The following DYNC2H1 variants were observed in gnomAD, a reference collection of about 807,000 sequenced individuals.
DYNC2H1 encodes the protein cytoplasmic dynein 2 heavy chain 1.
Under a neutral mutation model 570.0 loss-of-function variants are expected in DYNC2H1, and 410 were observed. The ratio of observed to expected loss-of-function variants is 0.72; its 90% confidence interval spans 0.66 to 0.78. DYNC2H1 has a LOEUF of 0.78. DYNC2H1 is among the 30% of genes least tolerant of loss of function. The probability of loss-of-function intolerance (pLI) is 0.00; values close to 1 mark genes in which losing one functional copy is unlikely to be tolerated. For synonymous variants in DYNC2H1, 1,688 were observed against 1,677.6 expected (o/e 1.01, Z -0.15); for missense variants, 4,865 against 5,046.4 (o/e 0.96, Z 1.09).
Position 103,120,810 on chromosome 11 carries a change from A to G in DYNC2H1, c.1248+8A>G, listed in dbSNP as rs202130799. 1.1e-5 allele frequency: 16 copies of G among 1,437,126 alleles called. No homozygotes were observed. Among genetic ancestry groups the G allele is most frequent in the Non-Finnish European group, 1.5e-5 (16 of 1,087,742 alleles). The allele number at this position is 1,437,126 out of a possible 1,614,324, so 89.0% of individuals were successfully genotyped here. On this transcript the variant is annotated splice_region_variant and intron_variant, in intron 8 of 88. Transcript: ENST00000375735. ...CAAGACAGTCCACAGCAGGTAAAAC[A>G]TTGAGATATTTCACTTTTAATATTT...
In DYNC2H1 at chr11:103,125,276, A is replaced by C; in HGVS notation, c.1838A>C (p.Gln613Pro). The C allele has an allele frequency of 6.2e-7, 1 of 1,607,194 alleles. No individual in the cohort carries two copies. The highest frequency in any genetic ancestry group is 8.5e-7 in the Non-Finnish European group (1 of 1,176,276). Residue 613 changes from glutamine (Q) to proline (P), a missense_variant, in exon 12 of 89, where the codon CAA becomes CCA. This residue lies in a region of DYNC2H1 where 1,936 missense variants were observed against 1,962.1 expected (regional missense o/e 0.99). Coordinates refer to ENST00000375735, the MANE Select transcript of DYNC2H1 (RefSeq NM_001377.3). ...AACATTGCACAGAAATTCTGCAAGC[A>C]AGCAATTATTCTTAAACAAGTATGA... ...VANIAQKFCK[Q>P]AIILKQVAHF...
Position 103,287,587 on chromosome 11 carries a change from T to C in DYNC2H1, c.11077T>C (p.Phe3693Leu), listed in dbSNP as rs751658025. The C allele has an allele frequency of 1.2e-6, 2 of 1,611,966 alleles. No individual in the cohort carries two copies. Among genetic ancestry groups the C allele is most frequent in the Non-Finnish European group, 1.7e-6 (2 of 1,178,946 alleles). Residue 3693 changes from phenylalanine to leucine, a missense_variant, in exon 75 of 89, where the codon TTT (phenylalanine) becomes CTT (leucine). By Grantham distance (22) the Phe-to-Leu change is conservative. Around this residue, in one of 5 missense-constraint regions of DYNC2H1, gnomAD observed 2,401 missense variants for 2,454.6 expected, o/e 0.98. Coordinates refer to ENST00000375735, the MANE Select transcript of DYNC2H1 (RefSeq NM_001377.3). ...PDRLQSAMAL[F>L]ACKTLGLKEV... is the part of the protein sequence containing the mutation. ...CAGATTGCAAAGTGCCATGGCTCTT[T>C]TTGCATGTAAAACTCTGGGTAAGTG...
chr11:103,189,790 G>T lies in DYNC2H1; in HGVS notation c.7411G>T (p.Gly2471Ter), dbSNP rs1862223159. 1 of 1,610,552 alleles carries T rather than the reference G, an allele frequency of 6.2e-7. No individual in the cohort carries two copies. Among genetic ancestry groups the T allele is most frequent in the Non-Finnish European group, 8.5e-7 (1 of 1,178,906 alleles). Residue 2471 changes from glycine (G) to a stop codon, truncating the protein, a stop_gained, in exon 45 of 89, where the codon GGA becomes TGA. Transcript: ENST00000375735. LOFTEE classifies it high-confidence loss of function. This position sits in a 1 kb window ranked among gnomAD's most constrained non-coding sequence, Gnocchi z 4.3. Reference protein sequence around the residue: ...GSSSKIYLLAGSMVQVYEQVR... With the variant: ...GSSSKIYLLA ...TTCATCAAAAATTTATCTTTTAGCAGGATCTATGGTACAAGTGTATGAACA... is the reference window on the plus strand; with the variant it reads ...TTCATCAAAAATTTATCTTTTAGCATGATCTATGGTACAAGTGTATGAACA...
chr11:103,155,864 C>T (rs1372204823), intron 25 of DYNC2H1, among the ~76,000 whole-genome samples: 1 of 152,074 alleles, frequency 6.6e-6, no homozygotes, highest in Non-Finnish European at 1.5e-5. Context: ...GTTTTATTTC[C>T]TATCCCAGAA....
rs760706534 is a variant in DYNC2H1, at chr11:103,113,610, A to G, written c.269A>G (p.Asn90Ser). The change falls in exon 2 of 89, where the codon AAT (asparagine) becomes AGT (serine). Residue 90 changes from asparagine (N) to serine (S), a missense_variant. Transcript: ENST00000375735. ...CGACCTGAAGTAATTACTGATGAGAATCTACATGATAACATTCTTGTTTCA... is the reference window on the plus strand; with the variant it reads ...CGACCTGAAGTAATTACTGATGAGAGTCTACATGATAACATTCTTGTTTCA... ...KLRPEVITDE[N>S]LHDNILVSSM... 7.5e-5 allele frequency: 118 copies of G among 1,576,000 alleles called. No homozygotes were observed. The highest frequency in any genetic ancestry group is 9.7e-5 in the Non-Finnish European group (113 of 1,166,544).
chr11:103,393,135 C>T (rs938283040), intron 83 of DYNC2H1, among the ~76,000 whole-genome samples: 1 of 151,986 alleles, frequency 6.6e-6, no homozygotes, highest in East Asian at 1.9e-4. Context: ...CCACACACCT[C>T]AGCCTCCCAA....
At chr11:103,171,293 T>C (rs1396663156) in intron 34 of DYNC2H1, among the ~76,000 whole-genome samples, 3 of 152,084 alleles carry the variant, frequency 2.0e-5, no homozygotes, top group African/African-American at 7.2e-5. Context: ...TTTGCTCTTG[T>C]TGCCCAGGCT....
chr11:103,352,096 G>T (rs1055394635), intron 82 of DYNC2H1, among the ~76,000 whole-genome samples: 6 of 151,992 alleles, frequency 3.9e-5, no homozygotes, highest in African/African-American at 1.4e-4. Context: ...TCCTTTAAAA[G>T]TAGAATTTTA....
chr11:103,119,594 C>T (rs112060608), intron 6 of DYNC2H1, among the ~76,000 whole-genome samples: 13,366 of 152,218 alleles, frequency 0.088, 773 homozygotes, highest in Non-Finnish European at 0.12. Context: ...CCCACCTCGG[C>T]CTCTCAAAGT....
At chr11:103,250,222 G>A (rs969850397) in intron 65 of DYNC2H1, among the ~76,000 whole-genome samples, 2 of 151,746 alleles carry the variant, frequency 1.3e-5, no homozygotes, top group African/African-American at 4.8e-5. Context: ...TCTTTTCAAT[G>A]TCTGTTGGCT....
intron 4 of DYNC2H1, 93 bp downstream of exon 4, chr11:103,115,388 TTGA>T (rs1173947842): frequency 1.3e-6 from 1 of 747,784 alleles, no homozygotes; most frequent in African/African-American, 1.8e-5. Flanking sequence ...TAAAATGTAC[TTGA>T]TGATTGTGAA....
At position 103,465,467 on chromosome 11, in the gene DYNC2H1, T is replaced by TA. The variant is rs1288236469; in HGVS notation, c.12649-3120dup. On this transcript the variant is annotated intron_variant, in intron 87 of 88. Coordinates refer to ENST00000375735, the MANE Select transcript of DYNC2H1 (RefSeq NM_001377.3). This position sits in a 1 kb window ranked among gnomAD's most constrained non-coding sequence, Gnocchi z 4.9. ...CCAAAGTGTGTTTTGTTTTTTTTTT[T>TA]AATCTGTGGCACATGAGTTTGAGTT... 1.3e-5 allele frequency among the ~76,000 whole-genome samples: 2 copies of TA among 152,072 alleles called. No homozygotes were observed. The highest frequency in any genetic ancestry group is 4.8e-5 in the African/African-American group (2 of 41,410).
rs1942562863 is a variant in DYNC2H1 at position 103,399,811 on chromosome 11, G to A, written c.12305G>A (p.Arg4102Lys). 6.2e-7 allele frequency: 1 copy of A among 1,613,942 alleles called. No individual in the cohort carries two copies. ...CTTGCTGCTCTCAGCAAAGTCATCA[G>A]AGGAACTACTTTACTGAGTTCAGAA... ...QSLAALSKVI[R>K]GTTLLSSEVQ... The change falls in exon 84 of 89, where the codon AGA becomes AAA. Residue 4102 changes from arginine (R) to lysine (K), a missense_variant. By Grantham distance (26) the Arg-to-Lys change is conservative. Transcript: ENST00000375735.
At chr11:103,258,019 C>A (rs1166734194) in intron 69 of DYNC2H1, among the ~76,000 whole-genome samples, 2 of 152,038 alleles carry the variant, frequency 1.3e-5, no homozygotes, top group Non-Finnish European at 2.9e-5. Context: ...ATTTAAAAAA[C>A]CCAGTGATTC....
At chr11:103,161,635 T>C (rs1861097247) in intron 29 of DYNC2H1, among the ~76,000 whole-genome samples, 1 of 152,142 alleles carries the variant, frequency 6.6e-6, no homozygotes, top group Non-Finnish European at 1.5e-5. Context: ...AATTAAAAAT[T>C]AAATGAGATA....
At chr11:103,390,631 G>C (rs1942102816) in intron 83 of DYNC2H1, among the ~76,000 whole-genome samples, 2 of 152,182 alleles carry the variant, frequency 1.3e-5, no homozygotes. Context: ...TGCAGTGGCT[G>C]GTACCAGTTG....
intron 79 of DYNC2H1, among the ~76,000 whole-genome samples, chr11:103,314,765 T>C (rs1283938791): frequency 6.6e-6 from 1 of 151,796 alleles, no homozygotes; most frequent in Non-Finnish European, 1.5e-5. Context: ...TCTCTAACAA[T>C]AGAATTGTTA....
rs932987617 is a variant in DYNC2H1, at chr11:103,256,769, T to C, written c.10461+529T>C. ...CTTATTGTCACCAATCCTATACTCA[T>C]AGTTCGAACTTTTCTTCACATCAGA... On this transcript the variant is annotated intron_variant, in intron 68 of 88. Transcript: ENST00000375735. This position sits in a 1 kb window ranked among gnomAD's most constrained non-coding sequence, Gnocchi z 4.0. Among the ~76,000 whole-genome samples, 2 of 152,188 alleles carry C rather than the reference T, an allele frequency of 1.3e-5. No individual in the cohort carries two copies. The highest frequency in any genetic ancestry group is 2.9e-5 in the Non-Finnish European group (2 of 68,030).
rs372499560 is a variant in DYNC2H1 at position 103,256,212 on chromosome 11, C to A, written c.10433C>A (p.Ser3478Tyr). The change falls in exon 68 of 89, where the codon TCT (serine) becomes TAT (tyrosine). Residue 3478 changes from serine (S) to tyrosine (Y), a missense_variant. Transcript: ENST00000375735. The surrounding 1 kb of genome is among the most constrained non-coding windows in gnomAD (Gnocchi z 4.0). ...SALIQESLKE[S>Y]YKLQISLDQE... ...CTTATTCAAGAGTCACTTAAAGAAT[C>A]TTACAAACTCCAAATTTCCCTTGAT... 52 of 1,602,954 alleles carry A rather than the reference C, an allele frequency of 3.2e-5. No homozygotes were observed. Among genetic ancestry groups the A allele is most frequent in the East Asian group, 9.0e-5 (4 of 44,556 alleles).
Sources: gnomAD v4.1 joint callset for allele counts (sites outside exome capture counted in the v4.1 genomes callset) on GRCh38, gnomAD v4.1.1 for gene constraint, gnomAD v4.1.1 regional missense constraint, Gnocchi (gnomAD v3.1) non-coding constraint, MANE v1.5 for transcripts, NCBI Gene and HGNC (gene_info 2026-07-23, HGNC 2026-07-21) for gene names.